The following IRS1 variants were observed in gnomAD, a reference collection of about 807,000 sequenced individuals.
IRS1 encodes the protein insulin receptor substrate 1.
IRS1 carries 34 observed loss-of-function variants against 65.6 expected under a neutral mutation model. The observed-to-expected ratio is 0.52, with a 90% CI of 0.39 to 0.69. The LOEUF (loss-of-function observed/expected upper bound fraction) is 0.69. Among genes scored for constraint, IRS1 ranks in the 30% least tolerant of loss-of-function variants. IRS1 has a pLI of 0.00. For missense variants in IRS1, 1,641 were observed against 1,720.2 expected, an observed-to-expected ratio of 0.95 and a Z score of 0.81; for synonymous variants, 699 against 683.5, an observed-to-expected ratio of 1.02 and a Z score of -0.35.
In IRS1 at chr2:226,796,508, C is replaced by T. The variant is rs755640481; in HGVS notation, c.2231G>A (p.Ser744Asn). The change falls in exon 1 of 2, where the codon AGC (serine) becomes AAC (asparagine). Residue 744 changes from serine to asparagine, a missense_variant. Physicochemically the swap from Ser to Asn is conservative, Grantham distance 46. Transcript: ENST00000305123. ...GCCGTAGTAGCAGTCGGAGGGGCTG[C>T]TGGTGTTGGAGTCCCCCACTGGTGA... ...NMSPVGDSNT[S>N]SPSDCYYGPE... 15 of 1,613,858 alleles carry T rather than the reference C, an allele frequency of 9.3e-6. No homozygotes were observed. The highest frequency in any genetic ancestry group is 5.3e-5 in the African/African-American group (4 of 74,932).
intron 1 of IRS1, among the ~76,000 whole-genome samples, chr2:226,754,937 A>G (rs1476361318): frequency 6.6e-6 from 1 of 152,228 alleles, no homozygotes; most frequent in Non-Finnish European, 1.5e-5. Context: ...TCTCATTTCC[A>G]GAAGAGTCTA....
intron 1 of IRS1, among the ~76,000 whole-genome samples, chr2:226,791,210 A>C (rs1490177979): frequency 6.6e-6 from 1 of 152,106 alleles, no homozygotes; most frequent in Non-Finnish European, 1.5e-5. Flanking sequence ...CAGCACTCGC[A>C]GGTCTCTCTC....
At chr2:226,776,288 T>C (rs530163049) in intron 1 of IRS1, among the ~76,000 whole-genome samples, 23 of 151,818 alleles carry the variant, frequency 1.5e-4, no homozygotes, top group Admixed American at 5.9e-4. Context: ...CATGAGTCCA[T>C]ACTAATATAA....
intron 1 of IRS1, among the ~76,000 whole-genome samples, chr2:226,763,291 G>T (rs1294652177): frequency 6.6e-6 from 1 of 151,846 alleles, no homozygotes; most frequent in Non-Finnish European, 1.5e-5. Flanking sequence ...ACATTTTTGG[G>T]GTTTTTCTTT....
intron 1 of IRS1, among the ~76,000 whole-genome samples, chr2:226,760,091 G>A (rs550875268): frequency 2.2e-4 from 34 of 152,228 alleles, no homozygotes; most frequent in African/African-American, 7.2e-4. Context: ...CTGGAGGATC[G>A]CTTAAGCCCA....
Position 226,799,815 on chromosome 2 carries a change from G to A in IRS1, c.-1077C>T, listed in dbSNP as rs1051591984. On this transcript the variant is annotated 5_prime_UTR_variant, in exon 1 of 2. Coordinates refer to ENST00000305123, the MANE Select transcript of IRS1 (RefSeq NM_005544.3). This position sits in a 1 kb window ranked among gnomAD's most constrained non-coding sequence, Gnocchi z 6.1. The stretch of plus-strand genomic sequence containing the variant: ...AGCCTCCGCGCTCGGCAGCCGGGCA[G>A]CCGCCGCCGGGAGGCTCCCGCCCGG... 5.7e-5 allele frequency: 56 copies of A among 987,410 alleles called. No individual in the cohort carries two copies. The highest frequency in any genetic ancestry group is 6.5e-5 in the Non-Finnish European group (54 of 829,736). 61.2% of individuals were successfully genotyped at this position (987,410 alleles called of 1,614,324 possible).
At chr2:226,739,206 T>C (rs1938389851) in intron 1 of IRS1, among the ~76,000 whole-genome samples, 1 of 152,188 alleles carries the variant, frequency 6.6e-6, no homozygotes, top group African/African-American at 2.4e-5. Context: ...AAGCCCCTTA[T>C]CTTAAGTCCT....
rs145339898 is a variant in IRS1 at position 226,761,483 on chromosome 2, A to G, written c.*22-25233T>C. ...TCTATCCCAGGGAAAAAAAGTATCC[A>G]TTGTATCTCTCTGATACTTTCCTAC... On this transcript the variant is annotated intron_variant, in intron 1 of 1. Transcript: ENST00000305123. Among the ~76,000 whole-genome samples the G allele has an allele frequency of 1.8e-4, 28 of 152,230 alleles. No homozygotes were observed. In the South Asian group the frequency reaches 2.1e-3, roughly 11 times the overall value.
In IRS1 at chr2:226,796,951, C is replaced by A. The variant is rs749768018; in HGVS notation, c.1788G>T (p.Gly596=). The A allele has an allele frequency of 2.6e-6, 4 of 1,562,876 alleles. No homozygotes were observed. The highest frequency in any genetic ancestry group is 1.7e-4 in the Middle Eastern group (1 of 5,830). The part of the protein sequence containing the change: ...GLEMHPLERR[G]GHHRPDSSTL... Reference sequence around the variant, plus strand: ...TGGAGCTGTCTGGGCGGTGGTGCCCCCCCCGACGCTCCAAGGGGTGCATTT... The same window carrying A: ...TGGAGCTGTCTGGGCGGTGGTGCCCACCCCGACGCTCCAAGGGGTGCATTT... Residue 596 remains glycine (G), a synonymous_variant, in exon 1 of 2, where the codon GGG becomes GGT. Transcript: ENST00000305123.
At position 226,794,978 on chromosome 2, in the gene IRS1, A is replaced by G. The variant is rs1939679154; in HGVS notation, c.*21+11T>C. 6 of 1,612,110 alleles carry G rather than the reference A, an allele frequency of 3.7e-6. No individual in the cohort carries two copies. The highest frequency in any genetic ancestry group is 5.1e-6 in the Non-Finnish European group (6 of 1,179,140). On this transcript the variant is annotated intron_variant, in intron 1 of 1. Coordinates refer to ENST00000305123, the MANE Select transcript of IRS1 (RefSeq NM_005544.3). This position sits in a 1 kb window ranked among gnomAD's most constrained non-coding sequence, Gnocchi z 4.1. ...AGTTTTGTCTTCTGACTTTGTCACC[A>G]TGAAACGCACCTGCTGTGATGTCCA...
rs1399153059 is a variant in IRS1, at chr2:226,795,554, C to T, written c.3185G>A (p.Gly1062Asp). Residue 1062 changes from glycine to aspartate, a missense_variant, in exon 1 of 2, where the codon GGC (glycine) becomes GAC (aspartate). Transcript: ENST00000305123. ...GCTCATGCCCCCAGGTCCTTGTGGGCCCCCCAGCAGGGACGAGTGGGCAGC... is the reference window on the plus strand; with the variant it reads ...GCTCATGCCCCCAGGTCCTTGTGGGTCCCCCAGCAGGGACGAGTGGGCAGC... ...ELAAHSSLLG[G>D]PQGPGGMSAF... is the part of the protein sequence containing the mutation. 2 of 1,612,938 alleles carry T rather than the reference C, an allele frequency of 1.2e-6. No homozygotes were observed. The highest frequency in any genetic ancestry group is 1.7e-6 in the Non-Finnish European group (2 of 1,179,952).
intron 1 of IRS1, among the ~76,000 whole-genome samples, chr2:226,742,687 C>A (rs924441730): frequency 5.4e-5 from 8 of 148,582 alleles, no homozygotes; most frequent in African/African-American, 2.0e-4. Flanking sequence ...CAGGAGACCA[C>A]CAATGAAGAA....
At chr2:226,742,709 T>C (rs1050723032) in intron 1 of IRS1, among the ~76,000 whole-genome samples, 32 of 132,706 alleles carry the variant, frequency 2.4e-4, no homozygotes, top group African/African-American at 8.6e-4. Flanking sequence ...GGCACACGCA[T>C]TATGAAAAAA....
intron 1 of IRS1, among the ~76,000 whole-genome samples, chr2:226,737,215 A>G (rs1938343822): frequency 6.6e-6 from 1 of 151,124 alleles, no homozygotes. Context: ...TTCTTGTGAT[A>G]GTTTACTGAG....
chr2:226,769,829 T>C (rs1289393863), intron 1 of IRS1, among the ~76,000 whole-genome samples: 1 of 152,216 alleles, frequency 6.6e-6, no homozygotes. Flanking sequence ...GTCCATTCAC[T>C]GATCACAAGT....
At chr2:226,758,233 A>G (rs1323195527) in intron 1 of IRS1, among the ~76,000 whole-genome samples, 1 of 152,210 alleles carries the variant, frequency 6.6e-6, no homozygotes, top group Non-Finnish European at 1.5e-5. Flanking sequence ...GATGAATGTT[A>G]TATAAATTAT....
chr2:226,799,171 T>G lies in IRS1; in HGVS notation c.-433A>C. 5.4e-6 allele frequency: 6 copies of G among 1,105,240 alleles called. No individual in the cohort carries two copies. The highest frequency in any genetic ancestry group is 2.4e-5 in the South Asian group (1 of 42,294). The allele number at this position is 1,105,240 out of a possible 1,614,324, so 68.5% of individuals were successfully genotyped here. On this transcript the variant is annotated 5_prime_UTR_variant, in exon 1 of 2. Coordinates refer to ENST00000305123, the MANE Select transcript of IRS1 (RefSeq NM_005544.3). The surrounding 1 kb of genome is among the most constrained non-coding windows in gnomAD (Gnocchi z 6.1). ...GCGCGCGCGCGCCTTCCCTCCTGAGTTCCCCTCTGGAAGCAGCGATTCCCG... is the reference window on the plus strand; with the variant it reads ...GCGCGCGCGCGCCTTCCCTCCTGAGGTCCCCTCTGGAAGCAGCGATTCCCG...
chr2:226,777,072 C>T (rs147584997), intron 1 of IRS1, among the ~76,000 whole-genome samples: 3 of 152,230 alleles, frequency 2.0e-5, no homozygotes, highest in Non-Finnish European at 4.4e-5. Flanking sequence ...GATTAAATGC[C>T]ATGTGGTATC....
intron 1 of IRS1, among the ~76,000 whole-genome samples, chr2:226,737,452 T>G (rs941915654): frequency 2.0e-5 from 3 of 152,200 alleles, no homozygotes; most frequent in Non-Finnish European, 2.9e-5. Context: ...TCAAAACTTA[T>G]CTATAAATAT....
Sources: gnomAD v4.1 joint callset for allele counts (sites outside exome capture counted in the v4.1 genomes callset) on GRCh38, gnomAD v4.1.1 for gene constraint, Gnocchi (gnomAD v3.1) non-coding constraint, MANE v1.5 for transcripts, NCBI Gene and HGNC (gene_info 2026-07-23, HGNC 2026-07-21) for gene names.